Variants in GRIN3A observed in about 807,000 individuals in gnomAD.
GRIN3A encodes glutamate ionotropic receptor NMDA type subunit 3A, also known as glutamate receptor ionotropic, NMDA 3A.
GRIN3A carries 47 observed loss-of-function variants against 92.4 expected under a neutral mutation model. The observed-to-expected ratio is 0.51, with a 90% CI of 0.40 to 0.65. The LOEUF (loss-of-function observed/expected upper bound fraction) is 0.65. Ranked by LOEUF, GRIN3A falls within the 30% of genes least tolerant of loss-of-function variation. The pLI is 0.00. For synonymous variants in GRIN3A, 527 were observed against 540.6 expected (o/e 0.97, Z 0.35); for missense variants, 1,324 against 1,393.1 (o/e 0.95, Z 0.79).
Position 101,569,544 on chromosome 9 carries a change from A to G in GRIN3A, c.*3630T>C, listed in dbSNP as rs181337758. On this transcript the variant is annotated 3_prime_UTR_variant, in exon 9 of 9. Coordinates refer to ENST00000361820, the MANE Select transcript of GRIN3A (RefSeq NM_133445.3). Reference sequence around the variant, plus strand: ...CGATTGCAAACACATTAAAATGAAGACACAATGCAAATACTCTTCACAAAC... The same window carrying G: ...CGATTGCAAACACATTAAAATGAAGGCACAATGCAAATACTCTTCACAAAC... 5.9e-5 allele frequency: 9 copies of G among 152,308 alleles called. 1 individual carries two copies. The highest frequency in any genetic ancestry group is 1.3e-4 in the Admixed American group (2 of 15,298). The allele number at this position is 152,308 out of a possible 1,614,324, so 9.4% of individuals were successfully genotyped here. A position where few individuals can be genotyped will look rare whatever the true frequency, so the allele number is the denominator to read the frequency against.
chr9:101,677,494 G>A (rs1330409588), intron 2 of GRIN3A, among the ~76,000 whole-genome samples: 5 of 151,870 alleles, frequency 3.3e-5, no homozygotes, highest in Non-Finnish European at 5.9e-5. Flanking sequence ...TTTGACCATC[G>A]TTAGTTAATT....
intron 3 of GRIN3A, among the ~76,000 whole-genome samples, chr9:101,657,908 A>G (rs1829111568): frequency 6.6e-6 from 1 of 151,982 alleles, no homozygotes; most frequent in Non-Finnish European, 1.5e-5. Flanking sequence ...TCTTCATCCC[A>G]GACTGAATCC....
At chr9:101,580,645 C>CA (rs1345768305) in intron 6 of GRIN3A, among the ~76,000 whole-genome samples, 6 of 151,940 alleles carry the variant, frequency 3.9e-5, no homozygotes, top group Admixed American at 3.9e-4. Flanking sequence ...AGCCAAGCCA[C>CA]AAAAAAGGCA....
At chr9:101,652,783 T>C (rs917830187) in intron 3 of GRIN3A, among the ~76,000 whole-genome samples, 24 of 152,014 alleles carry the variant, frequency 1.6e-4, no homozygotes, top group African/African-American at 5.8e-4. Flanking sequence ...CATTTGGGTT[T>C]TATGTATTCA....
intron 1 of GRIN3A, among the ~76,000 whole-genome samples, chr9:101,699,605 G>T (rs1393510620): frequency 6.6e-6 from 1 of 152,092 alleles, no homozygotes; most frequent in Non-Finnish European, 1.5e-5. Context: ...TAATGCTGAT[G>T]ATTTATTTTA....
Position 101,670,912 on chromosome 9 carries a change from G to A in GRIN3A, c.1500C>T (p.Ala500=). The A allele has an allele frequency of 6.2e-6, 10 of 1,613,022 alleles. No individual in the cohort carries two copies. Among genetic ancestry groups the A allele is most frequent in the Non-Finnish European group, 7.6e-6 (9 of 1,179,262 alleles). Residue 500 remains alanine, a synonymous_variant, in exon 3 of 9, where the codon GCC becomes GCT. Transcript: ENST00000361820. ...GTTGGAAGTGGGTTTTGTGTCTCTG[G>A]GCCTGCTCTGGCCATATTCCATAGT... The part of the protein sequence containing the change: ...VMDYGIWPEQ[A]QRHKTHFQHP...
chr9:101,695,558 G>A (rs1829674991), intron 1 of GRIN3A, among the ~76,000 whole-genome samples: 1 of 152,120 alleles, frequency 6.6e-6, no homozygotes, highest in Admixed American at 6.6e-5. Context: ...CGCAGGTGGA[G>A]GTCAAAGGAC....
chr9:101,580,829 C>T (rs142980166), intron 6 of GRIN3A, among the ~76,000 whole-genome samples: 1 of 152,182 alleles, frequency 6.6e-6, no homozygotes, highest in Non-Finnish European at 1.5e-5. Context: ...GCTCCAAAGC[C>T]TGGGCTCTTT....
intron 3 of GRIN3A, among the ~76,000 whole-genome samples, chr9:101,669,580 G>A (rs1535633): frequency 0.073 from 11,141 of 152,044 alleles, 544 homozygotes; most frequent in East Asian, 0.22. Context: ...GTTGACTTTG[G>A]TGCTTATAAT....
At chr9:101,631,320 AG>A (rs1165617527) in intron 3 of GRIN3A, among the ~76,000 whole-genome samples, 1 of 152,230 alleles carries the variant, frequency 6.6e-6, no homozygotes, top group Non-Finnish European at 1.5e-5. Flanking sequence ...GCACAAACTA[AG>A]CTAACAGTAT....
intron 1 of GRIN3A, among the ~76,000 whole-genome samples, chr9:101,734,063 C>T (rs1219466870): frequency 2.0e-5 from 3 of 151,964 alleles, no homozygotes; most frequent in Admixed American, 2.0e-4. Context: ...ATTAACTCTG[C>T]CTAATAGAAC....
chr9:101,722,030 G>A (rs758315255), intron 1 of GRIN3A, among the ~76,000 whole-genome samples: 20 of 152,194 alleles, frequency 1.3e-4, no homozygotes, highest in Non-Finnish European at 2.4e-4. Flanking sequence ...GGCCATGTCA[G>A]AAACCTTCAT....
chr9:101,577,897 G>A, intron 7 of GRIN3A, 53 bp from the exon 8 acceptor site: 2 of 1,339,156 alleles, frequency 1.5e-6, no homozygotes, highest in Non-Finnish European at 1.1e-6. Context: ...ACATAGGTCA[G>A]GGAACAAAGA....
At chr9:101,611,321 G>A (rs1218117220) in intron 6 of GRIN3A, among the ~76,000 whole-genome samples, 1 of 151,948 alleles carries the variant, frequency 6.6e-6, no homozygotes, top group Admixed American at 6.6e-5. Flanking sequence ...TGCCTTTGTT[G>A]TCACGTGGAC....
At chr9:101,712,882 A>G (rs954368033) in intron 1 of GRIN3A, among the ~76,000 whole-genome samples, 1 of 152,196 alleles carries the variant, frequency 6.6e-6, no homozygotes, top group Non-Finnish European at 1.5e-5. Flanking sequence ...TTAAAACTCA[A>G]TGAGACAGAT....
At chr9:101,625,097 C>G (rs1217056255) in intron 4 of GRIN3A, among the ~76,000 whole-genome samples, 2 of 152,146 alleles carry the variant, frequency 1.3e-5, no homozygotes, top group Non-Finnish European at 1.5e-5. Flanking sequence ...TTCTTGGGAA[C>G]CAGAACTCTG....
chr9:101,579,214 G>A lies in GRIN3A; in HGVS notation c.2913C>T (p.Tyr971=), dbSNP rs771142215. Residue 971 remains tyrosine (Y), a synonymous_variant, in exon 7 of 9, where the codon TAC becomes TAT. Transcript: ENST00000361820. ...PRIKNKSKLQ[Y]WLHTSQRLHR... is the part of the protein sequence containing the mutation. ...CACTCACCTGGCTGGTGTGGAGCCAGTATTGCAGCTTGGATTTGTTTTTGA... is the reference window on the plus strand; with the variant it reads ...CACTCACCTGGCTGGTGTGGAGCCAATATTGCAGCTTGGATTTGTTTTTGA... 2.5e-6 allele frequency: 4 copies of A among 1,613,842 alleles called. No homozygotes were observed. The African/African-American group carries it at 5.3e-5, about 22-fold the overall frequency.
rs1443687936 is a variant in GRIN3A, at chr9:101,700,912, A to C, written c.700-13712T>G. On this transcript the variant is annotated intron_variant, in intron 1 of 8. Coordinates refer to ENST00000361820, the MANE Select transcript of GRIN3A (RefSeq NM_133445.3). ...GTTTTATCAAGATTTTAAATGCTAA[A>C]ATAACACATCTATTATCATTATGGA... 2.0e-5 allele frequency among the ~76,000 whole-genome samples: 3 copies of C among 152,336 alleles called. No individual in the cohort carries two copies. In the East Asian group the frequency reaches 5.8e-4, roughly 29 times the overall value.
intron 3 of GRIN3A, among the ~76,000 whole-genome samples, chr9:101,638,876 A>G (rs140585252): frequency 2.8e-4 from 43 of 152,316 alleles, no homozygotes; most frequent in Admixed American, 2.8e-3. Context: ...TGGCTAATTG[A>G]AAGAGTTCAG....
Sources: allele counts gnomAD v4.1 joint callset (sites outside exome capture counted in the v4.1 genomes callset), GRCh38; gene constraint gnomAD v4.1.1; transcripts MANE v1.5; gene names NCBI Gene and HGNC (gene_info 2026-07-23, HGNC 2026-07-21).